ZNF880: variants seen among roughly 807,000 people sequenced by gnomAD.
ZNF880 encodes the protein zinc finger protein LOC400713.
Under a neutral mutation model 11.8 loss-of-function variants are expected in ZNF880, and 12 were observed. The observed-to-expected ratio is 1.02, with a 90% CI of 0.65 to 1.65. The LOEUF (loss-of-function observed/expected upper bound fraction) is 1.65, where lower values mean the gene tolerates loss of function less well. ZNF880 is among the 40% of genes most tolerant of loss of function. The probability of loss-of-function intolerance (pLI) is 0.00; values close to 1 mark genes in which losing one functional copy is unlikely to be tolerated. For synonymous variants in ZNF880, 210 were observed against 232.4 expected, an observed-to-expected ratio of 0.90 and a Z score of 0.88; for missense variants, 601 against 673.9, an observed-to-expected ratio of 0.89 and a Z score of 1.20.
intron 3 of ZNF880, among the ~76,000 whole-genome samples, chr19:52,375,607 C>T (rs1473634468): frequency 1.3e-5 from 2 of 152,150 alleles, no homozygotes; most frequent in East Asian, 3.9e-4. Flanking sequence ...ATCACCCGAG[C>T]ATTGTACGCT....
the ZNF880 span, among the ~76,000 whole-genome samples, chr19:52,392,508 C>T: frequency 7.9e-5 from 12 of 152,204 alleles, no homozygotes; most frequent in Admixed American, 7.9e-4. Flanking sequence ...GCCACGTTGG[C>T]CAGGCTGGTC....
At chr19:52,373,084 G>A in intron 1 of ZNF880, 27 bp from the exon 2 acceptor site, 1 of 1,610,334 alleles carries the variant, frequency 6.2e-7, no homozygotes, top group Non-Finnish European at 8.5e-7. Flanking sequence ...GTGATATCCT[G>A]TTGGTGAAAT....
chr19:52,374,762 C>T (rs1038396895), intron 3 of ZNF880: 1 of 560,196 alleles, frequency 1.8e-6, no homozygotes, highest in Non-Finnish European at 3.2e-6. Context: ...GAGACAAGTT[C>T]TTGCTCTGTT....
intron 3 of ZNF880, 65 bp downstream of exon 3, chr19:52,374,492 T>C (rs1986496960): frequency 6.5e-7 from 1 of 1,539,860 alleles, no homozygotes; most frequent in South Asian, 1.2e-5. Context: ...AGGGTCTTGC[T>C]CTGTCACCCA....
intron 2 of ZNF880, 137 bp downstream of exon 2, chr19:52,373,374 T>A: frequency 1.2e-6 from 1 of 826,944 alleles, no homozygotes; most frequent in Non-Finnish European, 1.8e-6. Flanking sequence ...AATGAAAACC[T>A]CCATAATGCT....
chr19:52,373,749 A>G lies in ZNF880; in HGVS notation c.139+512A>G, dbSNP rs141295269. Reference sequence around the variant, plus strand: ...AGTGCAGTGGCAGGATCTCAGCTCAATGCAACCTCCGCCTCCCGTTTTCAA... The same window carrying G: ...AGTGCAGTGGCAGGATCTCAGCTCAGTGCAACCTCCGCCTCCCGTTTTCAA... On this transcript the variant is annotated intron_variant, in intron 2 of 3. Transcript: ENST00000422689. Among the ~76,000 whole-genome samples, 1,207 of 145,050 alleles carry G rather than the reference A, an allele frequency of 8.3e-3. 20 individuals are homozygous for G. Among genetic ancestry groups the G allele is most frequent in the African/African-American group, 0.029 (1,133 of 38,800 alleles).
At chr19:52,396,012 G>A in the ZNF880 span, among the ~76,000 whole-genome samples, 1 of 152,090 alleles carries the variant, frequency 6.6e-6, no homozygotes. Context: ...CTGGAGTGCA[G>A]TGGCGCAATC....
At chr19:52,377,160 A>T (rs1301983742) in intron 3 of ZNF880, among the ~76,000 whole-genome samples, 1 of 151,960 alleles carries the variant, frequency 6.6e-6, no homozygotes, top group Non-Finnish European at 1.5e-5. Context: ...GTCTGCATAG[A>T]CCTGCCTCCT....
chr19:52,391,636 TTCTC>T, the ZNF880 span: 1 of 152,170 alleles, frequency 6.6e-6, no homozygotes, highest in Non-Finnish European at 1.5e-5. Context: ...TATGATTAAT[TTCTC>T]TATAATAAAC....
rs1986833805 is a variant in ZNF880, at chr19:52,384,919, CA to C, written c.1340del (p.His447LeufsTer5). 1 of 1,599,594 alleles carries C rather than the reference CA, an allele frequency of 6.3e-7. No homozygotes were observed. The highest frequency in any genetic ancestry group is 8.5e-7 in the Non-Finnish European group (1 of 1,172,628). The part of the protein sequence containing the change: ...KCKECAKVFR[H>X]RLSLSNHQRF... ...TAAAGAATGTGCCAAGGTCTTCAGG[CA>C]TAGATTATCCCTAAGCAATCATCAG... On this transcript the variant is annotated frameshift_variant, in exon 4 of 4. Transcript: ENST00000422689. LOFTEE classifies it low-confidence loss of function (END_TRUNC).
chr19:52,393,859 C>G, the ZNF880 span, among the ~76,000 whole-genome samples: 14 of 99,558 alleles, frequency 1.4e-4, no homozygotes, highest in South Asian at 3.9e-4. Context: ...TTTTTTGAGA[C>G]GGAGTCTTGC....
chr19:52,389,007 AT>A (rs1986971885), downstream of ZNF880: 3 of 152,096 alleles, frequency 2.0e-5, no homozygotes, highest in Admixed American at 2.0e-4. Flanking sequence ...ATCTCATGAG[AT>A]TTATTCACTA....
At chr19:52,387,658 AGGCTGTTCTC>A (rs1439876508), downstream of ZNF880, among the ~76,000 whole-genome samples, 2 of 142,662 alleles carry the variant, frequency 1.4e-5, no homozygotes, top group Non-Finnish European at 3.0e-5. Context: ...CATGTTGCCC[AGGCTGTTCTC>A]GAACTCCTGA....
downstream of ZNF880, chr19:52,389,562 G>T (rs991506114): frequency 6.6e-6 from 1 of 152,244 alleles, no homozygotes; most frequent in Non-Finnish European, 1.5e-5. Flanking sequence ...ACTTTGCAGG[G>T]TACAGCTCCT....
At chr19:52,387,636 A>T (rs1986921095), downstream of ZNF880, among the ~76,000 whole-genome samples, 1 of 141,734 alleles carries the variant, frequency 7.1e-6, no homozygotes, top group Admixed American at 6.9e-5. Flanking sequence ...TTTATTAGAG[A>T]CGGGGTTTCA....
the ZNF880 span, among the ~76,000 whole-genome samples, chr19:52,394,613 AG>A: frequency 6.6e-6 from 1 of 152,210 alleles, no homozygotes; most frequent in South Asian, 2.1e-4. Flanking sequence ...AGATTTTTGT[AG>A]ATTTTTTTGG....
At chr19:52,387,593 C>T (rs368902127), downstream of ZNF880, among the ~76,000 whole-genome samples, 16 of 141,696 alleles carry the variant, frequency 1.1e-4, 3 homozygotes, top group East Asian at 1.8e-3. Context: ...GGACTACAGG[C>T]GCACGCTGCC....
chr19:52,384,433 A>G lies in ZNF880; in HGVS notation c.853A>G (p.Asn285Asp). Residue 285 changes from asparagine (N) to aspartate (D), a missense_variant, in exon 4 of 4, where the codon AAT (asparagine) becomes GAT (aspartate). Coordinates refer to ENST00000422689, the MANE Select transcript of ZNF880 (RefSeq NM_001145434.2). ...KVFTQNSHLA[N>D]HHRIHTGEKP... ...CTTCACTCAAAATTCTCACCTTGCAAATCATCACAGAATCCACACTGGAGA... is the reference window on the plus strand; with the variant it reads ...CTTCACTCAAAATTCTCACCTTGCAGATCATCACAGAATCCACACTGGAGA... The G allele has an allele frequency of 1.3e-6, 2 of 1,527,934 alleles. No individual in the cohort carries two copies. Among genetic ancestry groups the G allele is most frequent in the Non-Finnish European group, 8.9e-7 (1 of 1,128,786 alleles). The allele number at this position is 1,527,934 out of a possible 1,614,324, so 94.6% of individuals were successfully genotyped here.
At chr19:52,369,884 C>T (rs941415178), upstream of ZNF880, 4 of 1,537,306 alleles carry the variant, frequency 2.6e-6, no homozygotes, top group African/African-American at 4.1e-5. Context: ...CCCAATCCCA[C>T]CCGGGCCTGG....
Sources: gnomAD v4.1 joint callset for allele counts (sites outside exome capture counted in the v4.1 genomes callset) on GRCh38, gnomAD v4.1.1 for gene constraint, MANE v1.5 for transcripts, NCBI Gene and HGNC (gene_info 2026-07-23, HGNC 2026-07-21) for gene names.